The following NMU variants were observed in gnomAD, a reference collection of about 807,000 sequenced individuals.
NMU encodes neuromedin U, also known as neuromedin-U.
Under a neutral mutation model 35.4 loss-of-function variants are expected in NMU, and 29 were observed. That is an observed-to-expected ratio of 0.82 (90% CI 0.61 to 1.12). The LOEUF is 1.12. Ranked by LOEUF, NMU falls within the 50% of genes most tolerant of loss-of-function variation. NMU has a pLI of 0.00. For synonymous variants in NMU, 78 were observed against 81.3 expected (o/e 0.96, Z 0.22); for missense variants, 199 against 206.2 (o/e 0.97, Z 0.21).
intron 8 of NMU, among the ~76,000 whole-genome samples, chr4:55,600,211 A>G (rs2110181085): frequency 2.6e-5 from 4 of 151,890 alleles, no homozygotes; most frequent in African/African-American, 9.6e-5. Flanking sequence ...TCCATAGAAC[A>G]TAAGGAATAG....
chr4:55,610,510 TC>T (rs1733891128), intron 3 of NMU, among the ~76,000 whole-genome samples: 1 of 151,250 alleles, frequency 6.6e-6, no homozygotes, highest in Non-Finnish European at 1.5e-5. Flanking sequence ...GTTCAAGGCC[TC>T]CAGTAGTCTC....
intron 2 of NMU, among the ~76,000 whole-genome samples, chr4:55,626,551 A>G (rs1463747357): frequency 6.6e-6 from 1 of 152,122 alleles, no homozygotes; most frequent in Non-Finnish European, 1.5e-5. Flanking sequence ...CTTAAAATAC[A>G]AAAAAATTAG....
At position 55,616,374 on chromosome 4, in the gene NMU, A is replaced by C; in HGVS notation, c.183T>G (p.Thr61=). 6.2e-7 allele frequency: 1 copy of C among 1,611,672 alleles called. No homozygotes were observed. The highest frequency in any genetic ancestry group is 8.5e-7 in the Non-Finnish European group (1 of 1,177,756). Residue 61 remains threonine (T), a synonymous_variant, in exon 3 of 10, where the codon ACT becomes ACG. Transcript: ENST00000264218. Reference sequence around the variant, plus strand: ...AATCAATGGACAGAAAAGACGAACAAGTATCATCTATCTGTAGAAAACAAA... The same window carrying C: ...AATCAATGGACAGAAAAGACGAACACGTATCATCTATCTGTAGAAAACAAA... The part of the protein sequence containing the change: ...QLQLWNEIDD[T]CSSFLSIDSQ...
At chr4:55,636,349 G>C (rs1577970316), upstream of NMU, 5 of 1,146,766 alleles carry the variant, frequency 4.4e-6, no homozygotes, top group African/African-American at 6.5e-5. The surrounding 1 kb of genome is among the most constrained non-coding windows in gnomAD (Gnocchi z 4.0). Flanking sequence ...AGTGGGCTGG[G>C]CTGCGCGGTC....
chr4:55,606,043 G>T (rs77513993), intron 6 of NMU, among the ~76,000 whole-genome samples: 3,308 of 152,250 alleles, frequency 0.022, 108 homozygotes, highest in African/African-American at 0.075. Flanking sequence ...TTATCACATG[G>T]ATTATGTTGA....
At chr4:55,619,070 T>G (rs1040328961) in intron 2 of NMU, among the ~76,000 whole-genome samples, 8 of 152,078 alleles carry the variant, frequency 5.3e-5, no homozygotes. Context: ...GGTCTCACTA[T>G]GTTACCCAGG....
chr4:55,619,859 T>C (rs879894657), intron 2 of NMU, among the ~76,000 whole-genome samples: 6 of 134,232 alleles, frequency 4.5e-5, no homozygotes, highest in Non-Finnish European at 8.2e-5. Flanking sequence ...CCCTGACCCC[T>C]GACCCCCGAG....
At chr4:55,636,454 G>A (rs1330220090), upstream of NMU, 2 of 440,174 alleles carry the variant, frequency 4.5e-6, no homozygotes, top group Middle Eastern at 6.0e-4. The surrounding 1 kb of genome is among the most constrained non-coding windows in gnomAD (Gnocchi z 4.0). Context: ...AGCAGGACCC[G>A]AGCCCCCTAG....
At chr4:55,612,795 A>G (rs530094797) in intron 3 of NMU, among the ~76,000 whole-genome samples, 1 of 152,358 alleles carries the variant, frequency 6.6e-6, no homozygotes, top group East Asian at 1.9e-4. Flanking sequence ...AAGTTTTAAT[A>G]TCTTATTTTT....
At chr4:55,633,838 A>G (rs1351743284) in intron 1 of NMU, among the ~76,000 whole-genome samples, 2 of 152,234 alleles carry the variant, frequency 1.3e-5, no homozygotes, top group African/African-American at 2.4e-5. Flanking sequence ...TCCTTAACTT[A>G]GTCTTGACCA....
chr4:55,625,573 C>T (rs1429733447), intron 2 of NMU, among the ~76,000 whole-genome samples: 1 of 152,044 alleles, frequency 6.6e-6, no homozygotes, highest in African/African-American at 2.4e-5. Flanking sequence ...TGCGGGTGAC[C>T]TAGGTACAAA....
Position 55,616,484 on chromosome 4 carries a change from A to G in NMU, c.172-99T>C, listed in dbSNP as rs541107876. On this transcript the variant is annotated intron_variant, in intron 2 of 9. Coordinates refer to ENST00000264218, the MANE Select transcript of NMU (RefSeq NM_006681.4). ...ACATTACCTATGGAACATTAACCACAGTTCCATGATAGTTTAGGACTCTGG... is the reference window on the plus strand; with the variant it reads ...ACATTACCTATGGAACATTAACCACGGTTCCATGATAGTTTAGGACTCTGG... 3.4e-6 allele frequency: 3 copies of G among 894,518 alleles called. No individual in the cohort carries two copies. In the African/African-American group the frequency reaches 4.9e-5, roughly 15 times the overall value. The allele number at this position is 894,518 out of a possible 1,614,324, so 55.4% of individuals were successfully genotyped here. A position where few individuals can be genotyped will look rare whatever the true frequency, so the allele number is the denominator to read the frequency against.
chr4:55,603,714 C>A (rs889947223), intron 7 of NMU, among the ~76,000 whole-genome samples: 4 of 151,256 alleles, frequency 2.6e-5, no homozygotes, highest in African/African-American at 9.7e-5. Flanking sequence ...AGATCGAGAC[C>A]ATCCTGGCTT....
intron 2 of NMU, among the ~76,000 whole-genome samples, chr4:55,626,051 G>A (rs1734516028): frequency 6.6e-6 from 1 of 152,090 alleles, no homozygotes; most frequent in Non-Finnish European, 1.5e-5. Flanking sequence ...TGGATCGTGG[G>A]GATATCTAGG....
chr4:55,607,771 G>T lies in NMU; in HGVS notation c.280-305C>A, dbSNP rs185314344. 3.3e-5 allele frequency among the ~76,000 whole-genome samples: 5 copies of T among 152,290 alleles called. No homozygotes were observed. The East Asian group carries it at 9.6e-4, about 29-fold the overall frequency. On this transcript the variant is annotated intron_variant, in intron 4 of 9. Coordinates refer to ENST00000264218, the MANE Select transcript of NMU (RefSeq NM_006681.4). The stretch of plus-strand genomic sequence containing the variant: ...GTAGAATGGGAAATTATTATATCAT[G>T]ACATGATGGAATATTCAGAGGAGAA...
intron 4 of NMU, among the ~76,000 whole-genome samples, chr4:55,608,705 CT>C (rs3840303): frequency 0.18 from 26,062 of 145,648 alleles, 2,335 homozygotes; most frequent in South Asian, 0.24. Context: ...ATACAGTTTG[CT>C]TTTTTTTTTT....
At chr4:55,614,916 G>A (rs1318810074) in intron 3 of NMU, among the ~76,000 whole-genome samples, 1 of 152,124 alleles carries the variant, frequency 6.6e-6, no homozygotes, top group Non-Finnish European at 1.5e-5. Flanking sequence ...TTGTGATTCT[G>A]GTCTTGCTTT....
intron 1 of NMU, among the ~76,000 whole-genome samples, chr4:55,634,479 T>G (rs1415751428): frequency 1.3e-5 from 2 of 152,186 alleles, no homozygotes; most frequent in Non-Finnish European, 2.9e-5. Flanking sequence ...TCATCTCTTT[T>G]AGGAACCAGC....
At chr4:55,617,981 A>G (rs1250153658) in intron 2 of NMU, among the ~76,000 whole-genome samples, 1 of 152,156 alleles carries the variant, frequency 6.6e-6, no homozygotes, top group African/African-American at 2.4e-5. Context: ...CTTTGTTCTC[A>G]TTTCTTTGAA....
Sources: gnomAD v4.1 joint callset for allele counts (sites outside exome capture counted in the v4.1 genomes callset) on GRCh38, gnomAD v4.1.1 for gene constraint, Gnocchi (gnomAD v3.1) non-coding constraint, MANE v1.5 for transcripts, NCBI Gene and HGNC (gene_info 2026-07-23, HGNC 2026-07-21) for gene names.